Variants in LRIG2 observed in about 807,000 individuals in gnomAD.
LRIG2 encodes the protein leucine rich repeats and immunoglobulin like domains 2, also known as leucine-rich repeats and immunoglobulin-like domains protein 2.
A neutral mutation model predicts 107.8 loss-of-function variants in LRIG2; 93 were observed. The ratio of observed to expected loss-of-function variants is 0.86; its 90% CI spans 0.73 to 1.03. LRIG2 has a LOEUF of 1.03. Ranked by LOEUF, LRIG2 falls within the 50% of genes least tolerant of loss-of-function variation. LRIG2 has a pLI of 0.00. For missense variants in LRIG2, 1,226 were observed against 1,296.0 expected, an observed-to-expected ratio of 0.95 and a Z score of 0.83; for synonymous variants, 471 against 470.6, an observed-to-expected ratio of 1.00 and a Z score of -0.01.
At position 113,114,028 on chromosome 1, in the gene LRIG2, C is replaced by T. The variant is rs117111208; in HGVS notation, c.2081-399C>T. 7.0e-4 allele frequency among the ~76,000 whole-genome samples: 106 copies of T among 152,154 alleles called. 2 individuals carry two copies. In the East Asian group the frequency reaches 0.02, roughly 28 times the overall value. ...AAAGTCTTTGTAAAAGATCATGTGA[C>T]TATAATTTACTTAATCATTTTTCTG... On this transcript the variant is annotated intron_variant, in intron 14 of 17. Coordinates refer to ENST00000361127, the MANE Select transcript of LRIG2 (RefSeq NM_014813.3).
intron 15 of LRIG2, among the ~76,000 whole-genome samples, chr1:113,115,609 C>T (rs1173360722): frequency 6.6e-6 from 1 of 150,896 alleles, no homozygotes. Context: ...CTCAATGCAA[C>T]TTCCACTTCC....
rs1481547756 is a variant in LRIG2 at position 113,130,335 on chromosome 1, A to G, written c.*6234A>G. 6.6e-6 allele frequency: 1 copy of G among 152,240 alleles called. No homozygotes were observed. Among genetic ancestry groups the G allele is most frequent in the Non-Finnish European group, 1.5e-5 (1 of 68,038 alleles). The allele number at this position is 152,240 out of a possible 1,614,324, so 9.4% of individuals were successfully genotyped here. A position where few individuals can be genotyped will look rare whatever the true frequency, so the allele number is the denominator to read the frequency against. On this transcript the variant is annotated 3_prime_UTR_variant, in exon 18 of 18. Coordinates refer to ENST00000361127, the MANE Select transcript of LRIG2 (RefSeq NM_014813.3). Reference sequence around the variant, plus strand: ...TGCCCATTGTGAGGTTGTAAAAGGAAGTTAAGATGTCAAGCAATTTAGATT... The same window carrying G: ...TGCCCATTGTGAGGTTGTAAAAGGAGGTTAAGATGTCAAGCAATTTAGATT...
chr1:113,085,941 T>G (rs1390510084), intron 1 of LRIG2, among the ~76,000 whole-genome samples: 1 of 151,904 alleles, frequency 6.6e-6, no homozygotes, highest in African/African-American at 2.4e-5. Flanking sequence ...CCAAGAATAT[T>G]CAAGATCATA....
In LRIG2 at chr1:113,132,012, G is replaced by A. The variant is rs1655715999; in HGVS notation, c.*7911G>A. The A allele has an allele frequency of 6.6e-6, 1 of 151,848 alleles. No homozygotes were observed. The highest frequency in any genetic ancestry group is 2.4e-5 in the African/African-American group (1 of 41,310). 9.4% of individuals were successfully genotyped at this position (151,848 alleles called of 1,614,324 possible). A position where few individuals can be genotyped will look rare whatever the true frequency, so the allele number is the denominator to read the frequency against. On this transcript the variant is annotated 3_prime_UTR_variant, in exon 18 of 18. Transcript: ENST00000361127. The stretch of plus-strand genomic sequence containing the variant: ...CTGTTTACTGTGGCCTCTTTACAAT[G>A]GTGAGACTTATTTCTACCCTCTACT...
intron 1 of LRIG2, among the ~76,000 whole-genome samples, chr1:113,074,459 C>G (rs1473572067): frequency 5.9e-5 from 9 of 152,116 alleles, no homozygotes; most frequent in African/African-American, 2.2e-4. Context: ...TTGGAGGGCT[C>G]CTTAGTCTGA....
At position 113,114,773 on chromosome 1, in the gene LRIG2, C is replaced by T; in HGVS notation, c.2427C>T (p.Val809=). The T allele has an allele frequency of 6.2e-7, 1 of 1,614,104 alleles. No individual in the cohort carries two copies. Among genetic ancestry groups the T allele is most frequent in the Non-Finnish European group, 8.5e-7 (1 of 1,180,006 alleles). ...EDDGWTTVGI[V]IIVVVCCVVG... ...ATGGCTGGACCACAGTTGGCATTGT[C>T]ATCATTGTTGTGGTCTGCTGTGTTG... The change falls in exon 15 of 18, where the codon GTC becomes GTT. Residue 809 remains valine (V), a synonymous_variant. Coordinates refer to ENST00000361127, the MANE Select transcript of LRIG2 (RefSeq NM_014813.3).
intron 5 of LRIG2, 55 bp from the exon 6 acceptor site, chr1:113,094,557 T>C (rs1296300770): frequency 1.3e-6 from 2 of 1,589,094 alleles, no homozygotes; most frequent in Admixed American, 3.7e-5. Flanking sequence ...ATTTAATTAC[T>C]GTTAGAACAT....
At chr1:113,090,681 CA>C (rs540955873) in intron 1 of LRIG2, among the ~76,000 whole-genome samples, 15 of 150,566 alleles carry the variant, frequency 1.0e-4, no homozygotes, top group Admixed American at 7.3e-4. Flanking sequence ...ACTAAAAATA[CA>C]AAAAAATTAG....
At chr1:113,095,104 C>G (rs895878536) in intron 6 of LRIG2, among the ~76,000 whole-genome samples, 35 of 151,720 alleles carry the variant, frequency 2.3e-4, no homozygotes, top group African/African-American at 8.0e-4. Flanking sequence ...TTCTGAGTAG[C>G]TGGGATTACA....
In LRIG2 at chr1:113,073,237, C is replaced by T; in HGVS notation, c.-170C>T. The T allele has an allele frequency of 1.6e-6, 1 of 634,546 alleles. No individual in the cohort carries two copies. The allele number at this position is 634,546 out of a possible 1,614,324, so 39.3% of individuals were successfully genotyped here. ...CGTCAGGCCGTGTGTCCCAGGCCGT[C>T]GACCCCGCTGTCGCGCTGCGTCTGC... On this transcript the variant is annotated 5_prime_UTR_variant, in exon 1 of 18. Transcript: ENST00000361127.
intron 1 of LRIG2, 50 bp from the exon 2 acceptor site, chr1:113,091,268 A>T (rs1294508815): frequency 1.7e-6 from 2 of 1,178,592 alleles, no homozygotes; most frequent in Admixed American, 2.3e-5. Flanking sequence ...TTTTTTCTTT[A>T]GGTCTACTTT....
intron 16 of LRIG2, among the ~76,000 whole-genome samples, chr1:113,118,788 C>T (rs923834114): frequency 1.3e-5 from 2 of 152,112 alleles, no homozygotes; most frequent in Admixed American, 6.5e-5. Context: ...CCTCAGCCTC[C>T]CGAGTAGCTG....
At position 113,124,460 on chromosome 1, in the gene LRIG2, A is replaced by C. The variant is rs1050718691; in HGVS notation, c.*359A>C. 8 of 260,788 alleles carry C rather than the reference A, an allele frequency of 3.1e-5. No homozygotes were observed. The highest frequency in any genetic ancestry group is 1.5e-4 in the South Asian group (3 of 19,580). 16.2% of individuals were successfully genotyped at this position (260,788 alleles called of 1,614,324 possible). ...TGCCCTAGTCTTCAGAATGGTCCTG[A>C]GAAAACATCACTACTTCGATGTTCT... is the stretch of plus-strand genomic sequence containing the variant. On this transcript the variant is annotated 3_prime_UTR_variant, in exon 18 of 18. Transcript: ENST00000361127.
Position 113,130,413 on chromosome 1 carries a change from A to C in LRIG2, c.*6312A>C, listed in dbSNP as rs1184978624. On this transcript the variant is annotated 3_prime_UTR_variant, in exon 18 of 18. Transcript: ENST00000361127. ...ATGTGTTAAAAGTCTTTAACTACTT[A>C]AAGGGTCATCATGAAAAATAAGAAT... The C allele has an allele frequency of 6.6e-6, 1 of 152,228 alleles. No individual in the cohort carries two copies. Among genetic ancestry groups the C allele is most frequent in the Non-Finnish European group, 1.5e-5 (1 of 68,034 alleles). 9.4% of individuals were successfully genotyped at this position (152,228 alleles called of 1,614,324 possible).
intron 11 of LRIG2, 49 bp downstream of exon 11, chr1:113,100,537 T>C: frequency 9.0e-7 from 1 of 1,116,354 alleles, no homozygotes; most frequent in African/African-American, 1.5e-5. Context: ...TTGTTCCTGC[T>C]TGTTGTGCTT....
intron 16 of LRIG2, among the ~76,000 whole-genome samples, chr1:113,118,905 C>T (rs1396797897): frequency 6.6e-6 from 1 of 152,202 alleles, no homozygotes; most frequent in East Asian, 1.9e-4. Flanking sequence ...ACCTTGTGAT[C>T]TGCCCGCCTC....
intron 9 of LRIG2, among the ~76,000 whole-genome samples, chr1:113,099,823 C>G (rs1223280633): frequency 6.6e-6 from 1 of 152,278 alleles, no homozygotes; most frequent in East Asian, 1.9e-4. Context: ...AAGGTTCACA[C>G]TTGTCTGAAT....
At chr1:113,108,225 C>CTT (rs58719865) in intron 12 of LRIG2, among the ~76,000 whole-genome samples, 21 of 139,824 alleles carry the variant, frequency 1.5e-4, no homozygotes, top group African/African-American at 3.4e-4. Flanking sequence ...TTCAAATATA[C>CTT]TTTTTTTTTT....
rs1253525936 is a variant in LRIG2 at position 113,092,459 on chromosome 1, ACT to A, written c.306-742_306-741del. 7.9e-5 allele frequency among the ~76,000 whole-genome samples: 12 copies of A among 152,090 alleles called. No homozygotes were observed. In the South Asian group the frequency reaches 8.3e-4, roughly 11 times the overall value. ...AATTTCATCTGTGGTCTCAAGTAAC[ACT>A]CTCTAACATTTGTATAGCTTTAGAA... On this transcript the variant is annotated intron_variant, in intron 2 of 17. Transcript: ENST00000361127.
Sources: gnomAD v4.1 joint callset for allele counts (sites outside exome capture counted in the v4.1 genomes callset) on GRCh38, gnomAD v4.1.1 for gene constraint, MANE v1.5 for transcripts, NCBI Gene and HGNC (gene_info 2026-07-23, HGNC 2026-07-21) for gene names.